Variants in ZFYVE9 observed in about 807,000 individuals in gnomAD.
The protein encoded by ZFYVE9 is zinc finger FYVE-type containing 9.
A neutral mutation model predicts 126.7 loss-of-function variants in ZFYVE9; 43 were observed. The ratio of observed to expected loss-of-function variants is 0.34; its 90% CI spans 0.27 to 0.44. ZFYVE9 has a LOEUF of 0.44. Ranked by LOEUF, ZFYVE9 falls within the 20% of genes least tolerant of loss-of-function variation. The pLI is 1.00. For missense variants in ZFYVE9, 1,476 were observed against 1,697.0 expected (o/e 0.87, Z 2.29); for synonymous variants, 521 against 597.4 (o/e 0.87, Z 1.87).
At chr1:52,178,877 C>T (rs1279233906) in intron 1 of ZFYVE9, among the ~76,000 whole-genome samples, 3 of 152,092 alleles carry the variant, frequency 2.0e-5, no homozygotes, top group Non-Finnish European at 2.9e-5. Flanking sequence ...GTGATCATGG[C>T]TCATTGGAGC....
intron 1 of ZFYVE9, among the ~76,000 whole-genome samples, chr1:52,177,001 G>A (rs1030225523): frequency 2.6e-5 from 4 of 152,116 alleles, no homozygotes; most frequent in African/African-American, 9.7e-5. Flanking sequence ...TGCACCCACT[G>A]TCCTGTGCCC....
intron 1 of ZFYVE9, among the ~76,000 whole-genome samples, chr1:52,211,122 G>C (rs1452257245): frequency 1.3e-5 from 2 of 152,190 alleles, no homozygotes; most frequent in South Asian, 2.1e-4. Flanking sequence ...CCAAGAGTGA[G>C]TGTCCCAAAA....
At chr1:52,310,439 T>C (rs1646127095) in intron 13 of ZFYVE9, among the ~76,000 whole-genome samples, 1 of 151,838 alleles carries the variant, frequency 6.6e-6, no homozygotes, top group South Asian at 2.1e-4. Flanking sequence ...CTGGGTGCCA[T>C]AGTGAATGTG....
chr1:52,337,252 G>C (rs1646398284), intron 15 of ZFYVE9, among the ~76,000 whole-genome samples: 3 of 152,172 alleles, frequency 2.0e-5, no homozygotes, highest in South Asian at 4.1e-4. Context: ...ACCATCTGTT[G>C]GTTATCTGGT....
chr1:52,176,859 G>T (rs558712132), intron 1 of ZFYVE9, among the ~76,000 whole-genome samples: 1 of 152,292 alleles, frequency 6.6e-6, no homozygotes, highest in East Asian at 1.9e-4. Context: ...CGCAGTATTG[G>T]GGTGGGAGTG....
chr1:52,243,150 A>G (rs1645351555), intron 4 of ZFYVE9, among the ~76,000 whole-genome samples: 1 of 152,228 alleles, frequency 6.6e-6, no homozygotes, highest in Non-Finnish European at 1.5e-5. Context: ...TAATTCAACA[A>G]ACACTGAGTG....
At chr1:52,218,806 G>A (rs72665097) in intron 2 of ZFYVE9, among the ~76,000 whole-genome samples, 9,571 of 152,206 alleles carry the variant, frequency 0.063, 442 homozygotes, top group Non-Finnish European at 0.095. Context: ...TTTGGGAAGC[G>A]GGTAATGGGG....
intron 1 of ZFYVE9, among the ~76,000 whole-genome samples, chr1:52,215,487 A>C (rs1645063758): frequency 6.6e-6 from 1 of 152,178 alleles, no homozygotes; most frequent in Non-Finnish European, 1.5e-5. Context: ...GAATATTTGT[A>C]ATGTCAGGAA....
intron 11 of ZFYVE9, among the ~76,000 whole-genome samples, chr1:52,295,296 G>A (rs984271512): frequency 1.1e-4 from 17 of 150,650 alleles, no homozygotes; most frequent in African/African-American, 4.2e-4. Context: ...TTCCTGGATC[G>A]TATCAATTCA....
intron 10 of ZFYVE9, among the ~76,000 whole-genome samples, chr1:52,287,993 G>A (rs1266117573): frequency 6.6e-6 from 1 of 152,156 alleles, no homozygotes; most frequent in Non-Finnish European, 1.5e-5. Context: ...TGATGAGAAA[G>A]TTATATGGAA....
intron 10 of ZFYVE9, among the ~76,000 whole-genome samples, chr1:52,293,105 G>A (rs961326928): frequency 1.3e-5 from 2 of 152,044 alleles, no homozygotes; most frequent in African/African-American, 4.8e-5. Flanking sequence ...TTGGCCGGGC[G>A]CTGTGGCTCA....
chr1:52,324,025 C>G (rs1646266631), intron 13 of ZFYVE9, among the ~76,000 whole-genome samples: 1 of 150,360 alleles, frequency 6.7e-6, no homozygotes, highest in Non-Finnish European at 1.5e-5. Flanking sequence ...TGCCATTGCA[C>G]TCCAGCCTGG....
At chr1:52,254,824 G>C (rs1003212952) in intron 4 of ZFYVE9, among the ~76,000 whole-genome samples, 2 of 152,094 alleles carry the variant, frequency 1.3e-5, no homozygotes, top group Non-Finnish European at 2.9e-5. Context: ...AAAATGGCGG[G>C]ATGTGGTGGT....
intron 2 of ZFYVE9, among the ~76,000 whole-genome samples, chr1:52,231,979 T>C (rs910730386): frequency 2.6e-5 from 4 of 152,122 alleles, no homozygotes; most frequent in Non-Finnish European, 5.9e-5. Flanking sequence ...TTCTTATTTG[T>C]AAAATGAGGG....
Position 52,278,581 on chromosome 1 carries a change from G to A in ZFYVE9, c.2836G>A (p.Ala946Thr). 1 of 1,591,896 alleles carries A rather than the reference G, an allele frequency of 6.3e-7. No individual in the cohort carries two copies. The highest frequency in any genetic ancestry group is 8.6e-7 in the Non-Finnish European group (1 of 1,167,866). The change falls in exon 9 of 19, where the codon GCA (alanine) becomes ACA (threonine). Residue 946 changes from alanine to threonine, a missense_variant. Physicochemically the swap from Ala to Thr is moderately conservative, Grantham distance 58. Coordinates refer to ENST00000287727, the MANE Select transcript of ZFYVE9 (RefSeq NM_004799.4). The stretch of plus-strand genomic sequence containing the variant: ...TGACCCACTTGTATTTGTTTTAAAT[G>A]CAAATTTGTTGTCAATGGTTAAAAT... Reference protein sequence around the residue: ...GPDPLVFVLNANLLSMVKIVN... With the variant: ...GPDPLVFVLNTNLLSMVKIVN...
chr1:52,313,483 T>A (rs922279692), intron 13 of ZFYVE9, among the ~76,000 whole-genome samples: 3 of 152,178 alleles, frequency 2.0e-5, no homozygotes, highest in Non-Finnish European at 2.9e-5. Flanking sequence ...AGAAGTGTTT[T>A]AAAAATTCAG....
At chr1:52,293,247 C>T (rs142668036) in intron 10 of ZFYVE9, among the ~76,000 whole-genome samples, 1,872 of 151,776 alleles carry the variant, frequency 0.012, 32 homozygotes, top group African/African-American at 0.043. Context: ...GGTCTGGTGG[C>T]GGGCACCTGT....
intron 1 of ZFYVE9, among the ~76,000 whole-genome samples, chr1:52,151,005 TTAG>T (rs1163767984): frequency 8.5e-4 from 129 of 151,758 alleles, no homozygotes; most frequent in Admixed American, 2.0e-3. Context: ...TTTTTTTTTT[TTAG>T]TAGTAGTAGC....
At chr1:52,280,359 G>A (rs1036267934) in intron 9 of ZFYVE9, among the ~76,000 whole-genome samples, 2 of 150,504 alleles carry the variant, frequency 1.3e-5, no homozygotes, top group Admixed American at 1.3e-4. Context: ...CAGCCTGAAT[G>A]ACAGAGTGAG....
Sources: gnomAD v4.1 joint callset for allele counts (sites outside exome capture counted in the v4.1 genomes callset) on GRCh38, gnomAD v4.1.1 for gene constraint, MANE v1.5 for transcripts, NCBI Gene and HGNC (gene_info 2026-07-23, HGNC 2026-07-21) for gene names.